RPS6KA2: variants seen among roughly 807,000 people sequenced by gnomAD.
RPS6KA2 encodes ribosomal protein S6 kinase A2.
A neutral mutation model predicts 91.8 loss-of-function variants in RPS6KA2; 42 were observed. The observed-to-expected ratio is 0.46, with a 90% CI of 0.36 to 0.59. The LOEUF (loss-of-function observed/expected upper bound fraction) is 0.59. Among genes scored for constraint, RPS6KA2 ranks in the 20% least tolerant of loss-of-function variants. The pLI is 0.00. For synonymous variants in RPS6KA2, 414 were observed against 393.6 expected, an observed-to-expected ratio of 1.05 and a Z score of -0.61; for missense variants, 798 against 978.5, an observed-to-expected ratio of 0.82 and a Z score of 2.46.
intron 1 of RPS6KA2, among the ~76,000 whole-genome samples, chr6:166,593,042 A>G (rs1785407894): frequency 6.6e-6 from 1 of 152,192 alleles, no homozygotes; most frequent in Non-Finnish European, 1.5e-5. Flanking sequence ...ACCTCGACAG[A>G]CACCAGTGAG....
intron 1 of RPS6KA2, among the ~76,000 whole-genome samples, chr6:166,551,625 T>C (rs1784025284): frequency 6.6e-6 from 1 of 152,216 alleles, no homozygotes; most frequent in Non-Finnish European, 1.5e-5. Context: ...TAAATAGCCA[T>C]CCTTCTTTCT....
chr6:166,723,634 C>T (rs1790246580), intron 2 of RPS6KA2, among the ~76,000 whole-genome samples: 1 of 152,066 alleles, frequency 6.6e-6, no homozygotes, highest in Non-Finnish European at 1.5e-5. Context: ...TCCGAACTAA[C>T]TCTATAGTTA....
intron 2 of RPS6KA2, among the ~76,000 whole-genome samples, chr6:166,682,637 G>C (rs1354419690): frequency 6.6e-6 from 1 of 152,190 alleles, no homozygotes; most frequent in Non-Finnish European, 1.5e-5. Context: ...AAGAAAACTG[G>C]GTGGGAGTGT....
chr6:166,487,502 TG>T (rs928722467), intron 10 of RPS6KA2, among the ~76,000 whole-genome samples: 11 of 152,146 alleles, frequency 7.2e-5, no homozygotes, highest in African/African-American at 2.2e-4. Context: ...GCGCTGACAG[TG>T]GGTTATCACC....
intron 2 of RPS6KA2, among the ~76,000 whole-genome samples, chr6:166,727,935 G>A (rs1242425689): frequency 1.3e-5 from 2 of 152,144 alleles, no homozygotes; most frequent in Non-Finnish European, 2.9e-5. Context: ...AACCAACTGA[G>A]GACCAAAAAT....
intron 2 of RPS6KA2, among the ~76,000 whole-genome samples, chr6:166,842,167 C>T (rs1780499519): frequency 6.6e-6 from 1 of 152,200 alleles, no homozygotes. Flanking sequence ...CAACGCCAAC[C>T]GAACGGGGGT....
chr6:166,625,205 T>C (rs1475223519), intron 1 of RPS6KA2, among the ~76,000 whole-genome samples: 2 of 152,184 alleles, frequency 1.3e-5, no homozygotes, highest in Non-Finnish European at 2.9e-5. Context: ...AATTGACTAC[T>C]TGCTCTTAGA....
intron 2 of RPS6KA2, among the ~76,000 whole-genome samples, chr6:166,785,952 A>T (rs1006152717): frequency 5.9e-5 from 9 of 152,256 alleles, no homozygotes; most frequent in Admixed American, 5.9e-4. Context: ...GATAATAATC[A>T]ATTAAATAAC....
intron 1 of RPS6KA2, among the ~76,000 whole-genome samples, chr6:166,861,650 C>A (rs1227372330): frequency 6.6e-6 from 1 of 152,234 alleles, no homozygotes; most frequent in African/African-American, 2.4e-5. Flanking sequence ...CGTTTAAGAT[C>A]ACATTATCTT....
chr6:166,546,545 C>G (rs1189863318), intron 1 of RPS6KA2, among the ~76,000 whole-genome samples: 1 of 150,402 alleles, frequency 6.6e-6, no homozygotes, highest in Admixed American at 6.7e-5. Flanking sequence ...TGAGAGAAAA[C>G]TGATAACACG....
chr6:166,676,245 A>G (rs1169924817), intron 2 of RPS6KA2, among the ~76,000 whole-genome samples: 1 of 150,882 alleles, frequency 6.6e-6, no homozygotes, highest in African/African-American at 2.4e-5. Context: ...TGAAACCAGG[A>G]GGCGGAGGTT....
rs9457185 is a variant in RPS6KA2 at position 166,576,088 on chromosome 6, C to T, written c.100-37304G>A. 1.7e-3 allele frequency among the ~76,000 whole-genome samples: 260 copies of T among 152,262 alleles called. 1 individual carries two copies. Among genetic ancestry groups the T allele is most frequent in the African/African-American group, 5.9e-3 (247 of 41,552 alleles). On this transcript the variant is annotated intron_variant, in intron 1 of 20. Coordinates refer to ENST00000265678, the MANE Select transcript of RPS6KA2 (RefSeq NM_021135.6). The stretch of plus-strand genomic sequence containing the variant: ...TGATGGGTTTATCAGGGGCTTCTGC[C>T]TTTGCTTCTTTCTCATTATCTCTTG...
chr6:166,478,812 T>G (rs1310223987), intron 10 of RPS6KA2, among the ~76,000 whole-genome samples: 1 of 152,152 alleles, frequency 6.6e-6, no homozygotes, highest in African/African-American at 2.4e-5. Flanking sequence ...TCAGACCCAT[T>G]ACAGTGCTTC....
At chr6:166,529,357 TG>T (rs1167017877) in intron 3 of RPS6KA2, among the ~76,000 whole-genome samples, 1 of 151,832 alleles carries the variant, frequency 6.6e-6, no homozygotes. Flanking sequence ...CACTCATAGG[TG>T]GGAATTGAAC....
chr6:166,595,911 C>T (rs939563295), intron 1 of RPS6KA2, among the ~76,000 whole-genome samples: 2 of 152,218 alleles, frequency 1.3e-5, no homozygotes, highest in African/African-American at 2.4e-5. Flanking sequence ...GAGGCCAAGA[C>T]CTCTGAAAGA....
At chr6:166,694,299 G>A (rs1056900411) in intron 2 of RPS6KA2, among the ~76,000 whole-genome samples, 11 of 152,186 alleles carry the variant, frequency 7.2e-5, no homozygotes, top group African/African-American at 1.9e-4. Context: ...GGAGTTGGAC[G>A]GCCTGGCTGG....
At chr6:166,509,578 CTA>C (rs2128482371) in intron 4 of RPS6KA2, 1 of 154,074 alleles carries the variant, frequency 6.5e-6, no homozygotes, top group Non-Finnish European at 1.5e-5. Flanking sequence ...CAAGAACAAA[CTA>C]TTAGTTTTGT....
intron 19 of RPS6KA2, among the ~76,000 whole-genome samples, chr6:166,416,798 C>G (rs952957912): frequency 6.6e-6 from 1 of 151,574 alleles, no homozygotes; most frequent in African/African-American, 2.4e-5. Context: ...TTCCCTCCAC[C>G]ATGCCTTCAC....
rs1423913164 is a variant in RPS6KA2 at position 166,435,334 on chromosome 6, G to A, written c.1333-2844C>T. Among the ~76,000 whole-genome samples, 2 of 152,210 alleles carry A rather than the reference G, an allele frequency of 1.3e-5. No individual in the cohort carries two copies. Among genetic ancestry groups the A allele is most frequent in the Non-Finnish European group, 2.9e-5 (2 of 68,036 alleles). On this transcript the variant is annotated intron_variant, in intron 14 of 20. Coordinates refer to ENST00000265678, the MANE Select transcript of RPS6KA2 (RefSeq NM_021135.6). This position sits in a 1 kb window ranked among gnomAD's most constrained non-coding sequence, Gnocchi z 4.3. ...CTTAAATTGTAATAAAAGCTAGCATGTATGTGCACATGTGAGGCACACTGG... is the reference window on the plus strand; with the variant it reads ...CTTAAATTGTAATAAAAGCTAGCATATATGTGCACATGTGAGGCACACTGG...
Sources: allele counts gnomAD v4.1 joint callset (sites outside exome capture counted in the v4.1 genomes callset), GRCh38; gene constraint gnomAD v4.1.1; non-coding constraint Gnocchi (gnomAD v3.1); transcripts MANE v1.5; gene names NCBI Gene and HGNC (gene_info 2026-07-23, HGNC 2026-07-21).